The following PCDHGB5 variants were observed in gnomAD, a reference collection of about 807,000 sequenced individuals.
PCDHGB5 encodes protocadherin gamma-B5.
PCDHGB5 carries 48 observed loss-of-function variants against 62.9 expected under a neutral mutation model. The ratio of observed to expected loss-of-function variants is 0.76; its 90% confidence interval spans 0.61 to 0.97. PCDHGB5 has a LOEUF of 0.97. Among genes scored for constraint, PCDHGB5 ranks in the 50% least tolerant of loss-of-function variants. The probability of loss-of-function intolerance (pLI) is 0.00; values close to 1 mark genes in which losing one functional copy is unlikely to be tolerated. For synonymous variants in PCDHGB5, 474 were observed against 511.2 expected, an observed-to-expected ratio of 0.93 and a Z score of 0.98; for missense variants, 1,118 against 1,198.6, an observed-to-expected ratio of 0.93 and a Z score of 0.99.
intron 1 of PCDHGB5, among the ~76,000 whole-genome samples, chr5:141,482,056 G>A (rs1271837619): frequency 1.3e-5 from 2 of 149,012 alleles, no homozygotes; most frequent in Non-Finnish European, 3.0e-5. Context: ...TTGCATTCCA[G>A]CCTGGGCAAC....
At chr5:141,404,472 T>C in intron 1 of PCDHGB5, 1 of 1,613,692 alleles carries the variant, frequency 6.2e-7, no homozygotes, top group Non-Finnish European at 8.5e-7. Context: ...TATGTCTCTA[T>C]TAACTCAGAC....
In PCDHGB5 at chr5:141,512,249, T is replaced by A. The variant is rs1159090773; in HGVS notation, c.*1076T>A. 6.6e-6 allele frequency: 1 copy of A among 152,598 alleles called. No individual in the cohort carries two copies. The allele number at this position is 152,598 out of a possible 1,614,324, so 9.5% of individuals were successfully genotyped here. On this transcript the variant is annotated 3_prime_UTR_variant, in exon 4 of 4. Coordinates refer to ENST00000617380, the MANE Select transcript of PCDHGB5 (RefSeq NM_018925.3). Reference sequence around the variant, plus strand: ...CCTTGAGAGGTCAGAGGGGCCTCTGTGGGTGCTGGGTACTCCAGAGGTGCC... The same window carrying A: ...CCTTGAGAGGTCAGAGGGGCCTCTGAGGGTGCTGGGTACTCCAGAGGTGCC...
intron 1 of PCDHGB5, 65 bp downstream of exon 1, chr5:141,400,589 A>G (rs771561940): frequency 4.4e-6 from 7 of 1,605,662 alleles, no homozygotes; most frequent in South Asian, 2.2e-5. Flanking sequence ...ACATGAAACT[A>G]TCGTACATTT....
At position 141,400,102 on chromosome 5, in the gene PCDHGB5, G is replaced by C. The variant is rs376189143; in HGVS notation, c.1975G>C (p.Val659Leu). The change falls in exon 1 of 4, where the codon GTC (valine) becomes CTC (leucine). Residue 659 changes from valine (V) to leucine (L), a missense_variant. Transcript: ENST00000617380. ...CTCCGCCACCGCCACGCTGCACTTG[G>C]TCTTTGCTGACAGCTTGCAGGAGGT... ...PLSATATLHL[V>L]FADSLQEVLP... The C allele has an allele frequency of 2.2e-5, 35 of 1,614,084 alleles. No homozygotes were observed. Among genetic ancestry groups the C allele is most frequent in the Non-Finnish European group, 3.0e-5 (35 of 1,179,898 alleles).
rs145936007 is a variant in PCDHGB5, at chr5:141,490,795, C to T, written c.2398-4012C>T. 2.0e-5 allele frequency: 33 copies of T among 1,614,036 alleles called. No homozygotes were observed. Among genetic ancestry groups the T allele is most frequent in the Non-Finnish European group, 2.8e-5 (33 of 1,179,922 alleles). ...CCCAGAGGATGGACGGATCTTTGCC[C>T]AGCGTACCTTTGACTATGAATTGCT... On this transcript the variant is annotated intron_variant, in intron 1 of 3. Coordinates refer to ENST00000617380, the MANE Select transcript of PCDHGB5 (RefSeq NM_018925.3). This position sits in a 1 kb window ranked among gnomAD's most constrained non-coding sequence, Gnocchi z 5.4.
At chr5:141,463,900 C>G (rs879243077) in intron 1 of PCDHGB5, among the ~76,000 whole-genome samples, 4 of 152,168 alleles carry the variant, frequency 2.6e-5, no homozygotes, top group Admixed American at 2.6e-4. Context: ...GCTTTTTGTA[C>G]TAATAATATA....
chr5:141,441,102 C>A (rs1057297804), intron 1 of PCDHGB5: 2 of 152,148 alleles, frequency 1.3e-5, no homozygotes, highest in Non-Finnish European at 2.9e-5. Flanking sequence ...GAGAGGGACT[C>A]ATTGTCCAGT....
intron 2 of PCDHGB5, among the ~76,000 whole-genome samples, chr5:141,499,612 C>T (rs1489412444): frequency 6.6e-6 from 1 of 151,968 alleles, no homozygotes; most frequent in African/African-American, 2.4e-5. Context: ...TACCCTTATC[C>T]TGTCCTTGGA....
chr5:141,447,516 A>G (rs997127013), intron 1 of PCDHGB5, among the ~76,000 whole-genome samples: 1 of 152,220 alleles, frequency 6.6e-6, no homozygotes, highest in African/African-American at 2.4e-5. Flanking sequence ...ATGCATAACA[A>G]TCATAACAAA....
chr5:141,400,304 G>A lies in PCDHGB5; in HGVS notation c.2177G>A (p.Gly726Asp), dbSNP rs760976345. ...SPAAWSCFQP[G>D]LCVKSGPVVP... Reference sequence around the variant, plus strand: ...GCCGCCTGGAGCTGCTTCCAACCTGGTCTCTGTGTCAAGTCTGGACCTGTG... The same window carrying A: ...GCCGCCTGGAGCTGCTTCCAACCTGATCTCTGTGTCAAGTCTGGACCTGTG... Residue 726 changes from glycine (G) to aspartate (D), a missense_variant, in exon 1 of 4, where the codon GGT becomes GAT. Gly to Asp is a moderately conservative substitution (Grantham distance 94). Transcript: ENST00000617380. The A allele has an allele frequency of 4.3e-6, 7 of 1,613,930 alleles. No individual in the cohort carries two copies. Among genetic ancestry groups the A allele is most frequent in the African/African-American group, 1.3e-5 (1 of 74,942 alleles).
intron 3 of PCDHGB5, among the ~76,000 whole-genome samples, chr5:141,510,639 T>TATCA (rs998925545): frequency 1.4e-4 from 22 of 152,300 alleles, no homozygotes; most frequent in African/African-American, 4.6e-4. Context: ...TGGTTACCAT[T>TATCA]ATCATCCCCA....
chr5:141,417,524 T>C (rs2096128269), intron 1 of PCDHGB5: 1 of 271,098 alleles, frequency 3.7e-6, no homozygotes, highest in African/African-American at 2.2e-5. Flanking sequence ...GGCTGTCAAC[T>C]CGTAGTTTAA....
At position 141,493,188 on chromosome 5, in the gene PCDHGB5, C is replaced by T. The variant is rs1292810486; in HGVS notation, c.2398-1619C>T. Among the ~76,000 whole-genome samples the T allele has an allele frequency of 2.6e-5, 4 of 152,216 alleles. No individual in the cohort carries two copies. Among genetic ancestry groups the T allele is most frequent in the Non-Finnish European group, 4.4e-5 (3 of 68,046 alleles). ...ATTGAGAGAAACTTACTATATAACT[C>T]CTTTGAGAACCTCATCTCATTTGCT... On this transcript the variant is annotated intron_variant, in intron 1 of 3. Coordinates refer to ENST00000617380, the MANE Select transcript of PCDHGB5 (RefSeq NM_018925.3). The surrounding 1 kb of genome is among the most constrained non-coding windows in gnomAD (Gnocchi z 4.3).
chr5:141,457,058 T>A (rs756862311), intron 1 of PCDHGB5, among the ~76,000 whole-genome samples: 2 of 152,230 alleles, frequency 1.3e-5, no homozygotes, highest in Non-Finnish European at 2.9e-5. Flanking sequence ...TCATGCTTCC[T>A]TTTTGCCAGT....
chr5:141,509,684 C>G (rs572295300), intron 3 of PCDHGB5, among the ~76,000 whole-genome samples: 139 of 152,310 alleles, frequency 9.1e-4, no homozygotes, highest in Admixed American at 3.7e-3. Flanking sequence ...TTCTTCTGTA[C>G]AGTGGGACGT....
In PCDHGB5 at chr5:141,485,179, C is replaced by G. The variant is rs1405000217; in HGVS notation, c.2398-9628C>G. The G allele has an allele frequency of 1.2e-6, 2 of 1,612,648 alleles. No homozygotes were observed. Among genetic ancestry groups the G allele is most frequent in the African/African-American group, 2.7e-5 (2 of 74,924 alleles). ...AGAATTAGCGGGCGGCAGCAATGCT[C>G]CGCAAGGTGAGAAGCTGGACAGAAA... is the stretch of plus-strand genomic sequence containing the variant. On this transcript the variant is annotated intron_variant, in intron 1 of 3. Transcript: ENST00000617380. This position sits in a 1 kb window ranked among gnomAD's most constrained non-coding sequence, Gnocchi z 5.7.
intron 1 of PCDHGB5, chr5:141,419,629 G>T: frequency 6.2e-7 from 1 of 1,612,444 alleles, no homozygotes; most frequent in Non-Finnish European, 8.5e-7. Context: ...TGGTGACCAA[G>T]GTGGTGGCCG....
chr5:141,410,671 C>G (rs771368781), intron 1 of PCDHGB5: 1 of 1,563,260 alleles, frequency 6.4e-7, no homozygotes, highest in South Asian at 1.2e-5. Context: ...ACTAGTTTCT[C>G]ATATTTTAGG....
At chr5:141,412,133 C>T (rs2095537829) in intron 1 of PCDHGB5, 1 of 152,184 alleles carries the variant, frequency 6.6e-6, no homozygotes, top group African/African-American at 2.4e-5. Flanking sequence ...GGACTTTGGC[C>T]TCTGATACAA....
Sources: gnomAD v4.1 joint callset for allele counts (sites outside exome capture counted in the v4.1 genomes callset) on GRCh38, gnomAD v4.1.1 for gene constraint, Gnocchi (gnomAD v3.1) non-coding constraint, MANE v1.5 for transcripts, NCBI Gene and HGNC (gene_info 2026-07-23, HGNC 2026-07-21) for gene names.